The following NDUFS4 variants were observed in gnomAD, a reference collection of about 807,000 sequenced individuals.
NDUFS4 encodes NADH dehydrogenase [ubiquinone] iron-sulfur protein 4, mitochondrial.
Under a neutral mutation model 24.3 loss-of-function variants are expected in NDUFS4, and 28 were observed. That is an observed-to-expected ratio of 1.15 (90% CI 0.85 to 1.58). NDUFS4 has a LOEUF of 1.58. NDUFS4 is among the 40% of genes most tolerant of loss of function. The pLI, the probability that NDUFS4 is intolerant of heterozygous loss-of-function variation, is 0.00. For missense variants in NDUFS4, 223 were observed against 207.9 expected, an observed-to-expected ratio of 1.07 and a Z score of -0.45; for synonymous variants, 93 against 69.7, an observed-to-expected ratio of 1.34 and a Z score of -1.67.
intron 2 of NDUFS4, among the ~76,000 whole-genome samples, chr5:53,609,975 G>T (rs1049757610): frequency 6.6e-6 from 1 of 152,100 alleles, no homozygotes; most frequent in Non-Finnish European, 1.5e-5. Flanking sequence ...TAGCAATAAG[G>T]CTGTCTCTTT....
In NDUFS4 at chr5:53,568,831, A is replaced by G. The variant is rs554689710; in HGVS notation, c.98+8071A>G. On this transcript the variant is annotated intron_variant, in intron 1 of 4. Coordinates refer to ENST00000296684, the MANE Select transcript of NDUFS4 (RefSeq NM_002495.4). ...TGTTTGAATCGTTTCAAATGTTGAG[A>G]GAACTGTCTCTGGGAGTAAAATCTG... Among the ~76,000 whole-genome samples the G allele has an allele frequency of 6.6e-5, 10 of 152,330 alleles. No individual in the cohort carries two copies. The East Asian group carries it at 1.9e-3, about 29-fold the overall frequency.
chr5:53,585,257 C>G (rs1341182207), intron 1 of NDUFS4, among the ~76,000 whole-genome samples: 2 of 152,120 alleles, frequency 1.3e-5, no homozygotes, highest in Non-Finnish European at 2.9e-5. Context: ...TTTTAGGTAA[C>G]TATTCATAAT....
At chr5:53,659,509 G>A (rs766704105) in intron 4 of NDUFS4, among the ~76,000 whole-genome samples, 6 of 152,112 alleles carry the variant, frequency 3.9e-5, no homozygotes, top group East Asian at 1.9e-4. Flanking sequence ...TAGCTGATAC[G>A]TAATAGATAC....
In NDUFS4 at chr5:53,603,535, G is replaced by C; in HGVS notation, c.177+5G>C. ...ATAACAGTTGATGAAAAATTGGTAA[G>C]GATTTTCTACTACACACTGCTATGG... On this transcript the variant is annotated splice_donor_5th_base_variant and intron_variant, in intron 2 of 4. Coordinates refer to ENST00000296684, the MANE Select transcript of NDUFS4 (RefSeq NM_002495.4). 1 of 1,610,732 alleles carries C rather than the reference G, an allele frequency of 6.2e-7. No homozygotes were observed.
At chr5:53,578,101 A>G (rs1242944026) in intron 1 of NDUFS4, among the ~76,000 whole-genome samples, 1 of 152,206 alleles carries the variant, frequency 6.6e-6, no homozygotes, top group Non-Finnish European at 1.5e-5. Context: ...GTCTCAGCAT[A>G]CCATTTTAGT....
intron 1 of NDUFS4, among the ~76,000 whole-genome samples, chr5:53,602,211 C>A (rs886756963): frequency 8.6e-5 from 13 of 152,014 alleles, no homozygotes; most frequent in Non-Finnish European, 1.9e-4. Flanking sequence ...ATGTTACTGA[C>A]CTTAATGATT....
rs550062090 is a variant in NDUFS4, at chr5:53,608,201, A to G, written c.177+4671A>G. The stretch of plus-strand genomic sequence containing the variant: ...AGTGTGCATTAGCATTATGTCTAAA[A>G]AATAATGTACATACCTTAATTTTAA... On this transcript the variant is annotated intron_variant, in intron 2 of 4. Coordinates refer to ENST00000296684, the MANE Select transcript of NDUFS4 (RefSeq NM_002495.4). 5.3e-5 allele frequency among the ~76,000 whole-genome samples: 8 copies of G among 152,324 alleles called. No individual in the cohort carries two copies. In the East Asian group the frequency reaches 1.5e-3, roughly 29 times the overall value.
At chr5:53,672,950 T>A (rs766573499) in intron 4 of NDUFS4, among the ~76,000 whole-genome samples, 1 of 152,158 alleles carries the variant, frequency 6.6e-6, no homozygotes, top group Non-Finnish European at 1.5e-5. Flanking sequence ...TTTACTGGCC[T>A]AGAAGATGCA....
intron 1 of NDUFS4, among the ~76,000 whole-genome samples, chr5:53,568,813 A>G (rs1055076389): frequency 1.3e-5 from 2 of 152,184 alleles, no homozygotes; most frequent in Admixed American, 1.3e-4. Flanking sequence ...TTGTGTTTGA[A>G]TCGTTTCAAA....
chr5:53,627,373 T>G (rs1454477821), intron 2 of NDUFS4, among the ~76,000 whole-genome samples: 1 of 152,206 alleles, frequency 6.6e-6, no homozygotes, highest in Non-Finnish European at 1.5e-5. Context: ...GGCTCCTTTT[T>G]GGTTCCATAT....
chr5:53,563,250 AAAAAG>A lies in NDUFS4; in HGVS notation c.98+2496_98+2500del, dbSNP rs1158121478. 1.6e-4 allele frequency among the ~76,000 whole-genome samples: 23 copies of A among 148,374 alleles called. No homozygotes were observed. In the South Asian group the frequency reaches 2.4e-3, roughly 15 times the overall value. ...TCTCAAAAAAACAAAAAAAAAAAAAAAAAAGAAAAGGAAGGATGCTGTTAGCTGCT... is the reference window on the plus strand; with the variant it reads ...TCTCAAAAAAACAAAAAAAAAAAAAAAAAAGGAAGGATGCTGTTAGCTGCT... On this transcript the variant is annotated intron_variant, in intron 1 of 4. Transcript: ENST00000296684.
chr5:53,650,775 C>G (rs1011483434), intron 3 of NDUFS4, among the ~76,000 whole-genome samples: 1 of 152,100 alleles, frequency 6.6e-6, no homozygotes, highest in Non-Finnish European at 1.5e-5. Context: ...GTCCTGGAAG[C>G]GCATTAGTGG....
intron 2 of NDUFS4, among the ~76,000 whole-genome samples, chr5:53,613,085 C>G (rs1427203808): frequency 3.3e-5 from 5 of 152,118 alleles, no homozygotes; most frequent in African/African-American, 9.6e-5. Flanking sequence ...TTTGCTTTGA[C>G]TGTTTACTTT....
chr5:53,592,623 G>A (rs947207829), intron 1 of NDUFS4, among the ~76,000 whole-genome samples: 1 of 152,172 alleles, frequency 6.6e-6, no homozygotes, highest in Non-Finnish European at 1.5e-5. Context: ...ATGTCTGGTT[G>A]TACCAGCATC....
intron 4 of NDUFS4, among the ~76,000 whole-genome samples, chr5:53,681,065 A>T (rs1309744212): frequency 6.6e-6 from 1 of 152,078 alleles, no homozygotes; most frequent in African/African-American, 2.4e-5. Context: ...AATGGGCTCT[A>T]ATGTAATGGA....
intron 4 of NDUFS4, 67 bp downstream of exon 4, chr5:53,658,691 A>G (rs1430033255): frequency 7.3e-7 from 1 of 1,361,212 alleles, no homozygotes; most frequent in Non-Finnish European, 1.0e-6. Flanking sequence ...AATTAAAACC[A>G]ATTAAGTATA....
Position 53,580,730 on chromosome 5 carries a change from CCCTTT to C in NDUFS4, c.98+19985_98+19989del, listed in dbSNP as rs975274125. ...TTCCTTTCCTTTTCCTTTTCCTTTTCCCTTTCCTTTCCTTTCCTTCCTTTCTCTTT... is the reference window on the plus strand; with the variant it reads ...TTCCTTTCCTTTTCCTTTTCCTTTTCCCTTTCCTTTCCTTCCTTTCTCTTT... On this transcript the variant is annotated intron_variant, in intron 1 of 4. Transcript: ENST00000296684. Among the ~76,000 whole-genome samples, 111 of 140,368 alleles carry C rather than the reference CCCTTT, an allele frequency of 7.9e-4. 1 individual carries two copies. The highest frequency in any genetic ancestry group is 1.5e-3 in the African/African-American group (57 of 38,188). 92.1% of individuals were successfully genotyped at this position (140,368 alleles called of 152,430 possible).
At chr5:53,668,119 AGAT>A (rs1752570040) in intron 4 of NDUFS4, among the ~76,000 whole-genome samples, 1 of 152,218 alleles carries the variant, frequency 6.6e-6, no homozygotes, top group Non-Finnish European at 1.5e-5. Flanking sequence ...CCTACACAAA[AGAT>A]GATTTATGTA....
chr5:53,648,460 A>G (rs191254996), intron 3 of NDUFS4, among the ~76,000 whole-genome samples: 1 of 152,322 alleles, frequency 6.6e-6, no homozygotes, highest in Non-Finnish European at 1.5e-5. Context: ...TGGGTTGTAT[A>G]TTCTCAGTAC....
Sources: allele counts gnomAD v4.1 joint callset (sites outside exome capture counted in the v4.1 genomes callset), GRCh38; gene constraint gnomAD v4.1.1; transcripts MANE v1.5; gene names NCBI Gene and HGNC (gene_info 2026-07-23, HGNC 2026-07-21).